IGF1R: variants seen among roughly 807,000 people sequenced by gnomAD.
The protein encoded by IGF1R is insulin-like growth factor 1 receptor.
A neutral mutation model predicts 144.6 loss-of-function variants in IGF1R; 44 were observed. The observed-to-expected ratio is 0.30, with a 90% CI of 0.24 to 0.39. IGF1R has a LOEUF of 0.39. IGF1R is among the 10% of genes least tolerant of loss of function. The probability of loss-of-function intolerance (pLI) is 1.00; values close to 1 mark genes in which losing one functional copy is unlikely to be tolerated. For synonymous variants in IGF1R, 795 were observed against 722.8 expected (o/e 1.10, Z -1.60); for missense variants, 1,355 against 1,833.7 (o/e 0.74, Z 4.77).
At chr15:98,898,383 C>T (rs1275198444) in intron 4 of IGF1R, among the ~76,000 whole-genome samples, 1 of 152,142 alleles carries the variant, frequency 6.6e-6, no homozygotes, top group East Asian at 1.9e-4. Context: ...TGGTTTATGT[C>T]CATTGCAGGA....
rs2017325017 is a variant in IGF1R, at chr15:98,963,898, A to G, written c.*6456A>G. ...TTGTTGGCCATGTCTCCCCAACTCC[A>G]CAATATCTCTATCATGGGAAACACC... On this transcript the variant is annotated 3_prime_UTR_variant, in exon 21 of 21. Transcript: ENST00000650285. 1 of 233,194 alleles carries G rather than the reference A, an allele frequency of 4.3e-6. No homozygotes were observed. The highest frequency in any genetic ancestry group is 2.2e-5 in the African/African-American group (1 of 45,358). 14.4% of individuals were successfully genotyped at this position (233,194 alleles called of 1,614,324 possible).
At chr15:98,944,542 C>T (rs1312691761) in intron 19 of IGF1R, among the ~76,000 whole-genome samples, 2 of 152,206 alleles carry the variant, frequency 1.3e-5, no homozygotes, top group African/African-American at 4.8e-5. Context: ...GGTCCAGGCT[C>T]TAAACTAAAG....
intron 2 of IGF1R, among the ~76,000 whole-genome samples, chr15:98,857,788 A>G (rs947713684): frequency 1.3e-5 from 2 of 152,236 alleles, no homozygotes; most frequent in African/African-American, 4.8e-5. Flanking sequence ...GATCTAACAC[A>G]GGATTAACTG....
intron 2 of IGF1R, among the ~76,000 whole-genome samples, chr15:98,739,783 G>A (rs1306864846): frequency 6.6e-6 from 1 of 152,154 alleles, no homozygotes; most frequent in Admixed American, 6.5e-5. Flanking sequence ...GTAGAGATGG[G>A]GTTTCACCAT....
chr15:98,878,676 A>AC lies in IGF1R; in HGVS notation c.641-12649_641-12648insC, dbSNP rs1420170951. 6.5e-5 allele frequency among the ~76,000 whole-genome samples: 6 copies of AC among 92,282 alleles called. 1 individual carries two copies. In the East Asian group the frequency reaches 2.3e-3, roughly 35 times the overall value. 60.5% of individuals were successfully genotyped at this position (92,282 alleles called of 152,430 possible). On this transcript the variant is annotated intron_variant, in intron 2 of 20. Transcript: ENST00000650285. ...TTGTGAAAGACTCAAAAAAAAAAAA[A>AC]AAAAAAAAAAAAAAAAAAACAACAA...
chr15:98,866,729 G>T (rs2012469846), intron 2 of IGF1R, among the ~76,000 whole-genome samples: 1 of 152,222 alleles, frequency 6.6e-6, no homozygotes, highest in East Asian at 1.9e-4. Context: ...CGGTCGTTTC[G>T]GCAGCTTAAT....
chr15:98,749,695 A>G (rs1449045263), intron 2 of IGF1R, among the ~76,000 whole-genome samples: 1 of 152,208 alleles, frequency 6.6e-6, no homozygotes, highest in East Asian at 1.9e-4. Context: ...CCTTACAGGA[A>G]AATTAATTCT....
chr15:98,866,311 C>G (rs555659815), intron 2 of IGF1R, among the ~76,000 whole-genome samples: 1 of 152,250 alleles, frequency 6.6e-6, no homozygotes, highest in Non-Finnish European at 1.5e-5. Context: ...TGATTTAAAT[C>G]TGCAGCACGC....
At chr15:98,906,800 A>G (rs962693466) in intron 5 of IGF1R, among the ~76,000 whole-genome samples, 2 of 152,194 alleles carry the variant, frequency 1.3e-5, no homozygotes, top group Non-Finnish European at 2.9e-5. Flanking sequence ...GTGGTCACTA[A>G]TGTGTCCAGA....
At chr15:98,770,671 G>A (rs2055562558) in intron 2 of IGF1R, among the ~76,000 whole-genome samples, 1 of 152,170 alleles carries the variant, frequency 6.6e-6, no homozygotes, top group Non-Finnish European at 1.5e-5. Flanking sequence ...GGGAAGACCA[G>A]GGATGGTTTT....
chr15:98,730,342 A>G (rs910178692), intron 2 of IGF1R, among the ~76,000 whole-genome samples: 1 of 152,176 alleles, frequency 6.6e-6, no homozygotes, highest in African/African-American at 2.4e-5. Flanking sequence ...TTCTTGTCTG[A>G]CACAGCACTC....
intron 2 of IGF1R, among the ~76,000 whole-genome samples, chr15:98,717,168 G>A (rs528658956): frequency 3.3e-5 from 5 of 152,316 alleles, no homozygotes; most frequent in African/African-American, 4.8e-5. Context: ...TTTAAGGACC[G>A]TTGATGCCTT....
At position 98,891,604 on chromosome 15, in the gene IGF1R, GC is replaced by G; in HGVS notation, c.924del (p.Ser309ArgfsTer76). On this transcript the variant is annotated frameshift_variant, in exon 3 of 21. Coordinates refer to ENST00000650285, the MANE Select transcript of IGF1R (RefSeq NM_000875.5). LOFTEE classifies it high-confidence loss of function. This position sits in a 1 kb window ranked among gnomAD's most constrained non-coding sequence, Gnocchi z 4.7. ...VIHDGECMQE[C>X]PSGFIRNGSQ... Reference sequence around the variant, plus strand: ...CACGACGGCGAGTGCATGCAGGAGTGCCCCTCGGGCTTCATCCGCAACGGCA... The same window carrying G: ...CACGACGGCGAGTGCATGCAGGAGTGCCCTCGGGCTTCATCCGCAACGGCA... The G allele has an allele frequency of 6.2e-7, 1 of 1,602,728 alleles. No homozygotes were observed. Among genetic ancestry groups the G allele is most frequent in the Non-Finnish European group, 8.5e-7 (1 of 1,179,950 alleles).
intron 2 of IGF1R, among the ~76,000 whole-genome samples, chr15:98,777,635 CAG>C (rs1341699367): frequency 6.6e-6 from 1 of 152,326 alleles, no homozygotes; most frequent in Middle Eastern, 3.4e-3. Context: ...TGTCCAAAGT[CAG>C]AGCAGACACA....
chr15:98,938,104 C>G (rs1379834473), intron 17 of IGF1R, among the ~76,000 whole-genome samples: 1 of 152,234 alleles, frequency 6.6e-6, no homozygotes, highest in Non-Finnish European at 1.5e-5. Flanking sequence ...AAACTAGCAC[C>G]TCACAGGGCA....
intron 2 of IGF1R, among the ~76,000 whole-genome samples, chr15:98,864,552 G>A (rs2141590539): frequency 6.6e-6 from 1 of 152,256 alleles, no homozygotes; most frequent in Non-Finnish European, 1.5e-5. Context: ...ACCATGCCCA[G>A]CTAATTTTTT....
rs1039079129 is a variant in IGF1R at position 98,891,885 on chromosome 15, T to G, written c.953+248T>G. 6.6e-6 allele frequency among the ~76,000 whole-genome samples: 1 copy of G among 152,192 alleles called. No individual in the cohort carries two copies. The highest frequency in any genetic ancestry group is 2.4e-5 in the African/African-American group (1 of 41,446). Reference sequence around the variant, plus strand: ...GTGCATACTGCCTGGCCATTTGAAATTAAGTACTTGCTTGCTGGTTTCGAT... The same window carrying G: ...GTGCATACTGCCTGGCCATTTGAAAGTAAGTACTTGCTTGCTGGTTTCGAT... On this transcript the variant is annotated intron_variant, in intron 3 of 20. Coordinates refer to ENST00000650285, the MANE Select transcript of IGF1R (RefSeq NM_000875.5). The surrounding 1 kb of genome is among the most constrained non-coding windows in gnomAD (Gnocchi z 4.7).
chr15:98,674,871 T>C (rs1235075177), intron 1 of IGF1R, among the ~76,000 whole-genome samples: 2 of 152,064 alleles, frequency 1.3e-5, no homozygotes, highest in Non-Finnish European at 2.9e-5. Context: ...ACACATATTG[T>C]GAATTTCTGC....
At position 98,908,766 on chromosome 15, in the gene IGF1R, A is replaced by T. The variant is rs2014853022; in HGVS notation, c.1329A>T (p.Ala443=). 2 of 1,614,226 alleles carry T rather than the reference A, an allele frequency of 1.2e-6. No individual in the cohort carries two copies. The highest frequency in any genetic ancestry group is 3.3e-5 in the Admixed American group (2 of 60,022). Residue 443 remains alanine, a synonymous_variant, in exon 6 of 21, where the codon GCA becomes GCT. Transcript: ENST00000650285. ...ACCACCGCAACCTGACCATCAAAGCAGGGAAAATGTACTTTGCTTTCAATC... is the reference window on the plus strand; with the variant it reads ...ACCACCGCAACCTGACCATCAAAGCTGGGAAAATGTACTTTGCTTTCAATC... ...DWDHRNLTIK[A]GKMYFAFNPK... is the part of the protein sequence containing the mutation.
Sources: gnomAD v4.1 joint callset for allele counts (sites outside exome capture counted in the v4.1 genomes callset) on GRCh38, gnomAD v4.1.1 for gene constraint, Gnocchi (gnomAD v3.1) non-coding constraint, MANE v1.5 for transcripts, NCBI Gene and HGNC (gene_info 2026-07-23, HGNC 2026-07-21) for gene names.